Variants in HLCS observed in about 807,000 individuals in gnomAD.
HLCS encodes holocarboxylase synthetase, also known as biotin--protein ligase.
Under a neutral mutation model 75.0 loss-of-function variants are expected in HLCS, and 53 were observed. That is an observed-to-expected ratio of 0.71 (90% CI 0.57 to 0.89). The LOEUF (loss-of-function observed/expected upper bound fraction) is 0.89. HLCS is among the 40% of genes least tolerant of loss of function. The probability of loss-of-function intolerance (pLI) is 0.00; values close to 1 mark genes in which losing one functional copy is unlikely to be tolerated. For missense variants in HLCS, 966 were observed against 1,074.0 expected (o/e 0.90, Z 1.41); for synonymous variants, 431 against 428.6 (o/e 1.01, Z -0.07).
At chr21:36,934,098 G>C (rs965492653) in intron 4 of HLCS, among the ~76,000 whole-genome samples, 2 of 152,158 alleles carry the variant, frequency 1.3e-5, no homozygotes, top group African/African-American at 4.8e-5. Flanking sequence ...TGTGTGGGTG[G>C]TAGATTTGTA....
chr21:36,964,596 T>G (rs1327093581), intron 1 of HLCS, among the ~76,000 whole-genome samples: 1 of 152,206 alleles, frequency 6.6e-6, no homozygotes, highest in Non-Finnish European at 1.5e-5. Flanking sequence ...CAGCAATATC[T>G]AACCAAATCT....
intron 6 of HLCS, among the ~76,000 whole-genome samples, chr21:36,781,329 G>A (rs538082708): frequency 4.0e-5 from 6 of 151,874 alleles, no homozygotes; most frequent in African/African-American, 7.2e-5. Context: ...ATTAACTTGG[G>A]GAGAACTGAC....
chr21:36,939,557 T>G (rs928791079), intron 2 of HLCS, among the ~76,000 whole-genome samples: 1 of 152,206 alleles, frequency 6.6e-6, no homozygotes, highest in Middle Eastern at 3.2e-3. Flanking sequence ...GCACTCGAAC[T>G]GTGAGAACAA....
chr21:36,769,322 CTGAGA>C (rs2090149882), intron 6 of HLCS, among the ~76,000 whole-genome samples: 1 of 152,202 alleles, frequency 6.6e-6, no homozygotes, highest in Non-Finnish European at 1.5e-5. Flanking sequence ...TTTGTGCTAT[CTGAGA>C]TAACTCTGGG....
chr21:36,955,159 C>T (rs752793587), intron 2 of HLCS, among the ~76,000 whole-genome samples: 3 of 152,164 alleles, frequency 2.0e-5, no homozygotes, highest in Non-Finnish European at 4.4e-5. Context: ...GTTCACTGCT[C>T]CATGCACGTT....
chr21:36,914,322 C>T (rs2065840000), intron 5 of HLCS, among the ~76,000 whole-genome samples: 1 of 152,184 alleles, frequency 6.6e-6, no homozygotes. Flanking sequence ...CAAATCGATT[C>T]AGCAACTCCA....
intron 6 of HLCS, among the ~76,000 whole-genome samples, chr21:36,811,595 T>G (rs905828947): frequency 3.9e-5 from 6 of 152,226 alleles, no homozygotes; most frequent in Non-Finnish European, 8.8e-5. Flanking sequence ...ACAGTGGAAC[T>G]TGGCAGATGG....
At position 36,953,447 on chromosome 21, in the gene HLCS, T is replaced by C. The variant is rs531509313; in HGVS notation, c.330+8589A>G. Among the ~76,000 whole-genome samples the C allele has an allele frequency of 8.5e-5, 13 of 152,220 alleles. No individual in the cohort carries two copies. The South Asian group carries it at 2.7e-3, about 32-fold the overall frequency. ...CCAAGGAAGAAGATGAGGAAAAAAA[T>C]GGGTCCCTGGATGGACTTCCAAAGC... On this transcript the variant is annotated intron_variant, in intron 2 of 10. Transcript: ENST00000674895.
At chr21:36,905,917 G>A (rs2065429599) in intron 5 of HLCS, among the ~76,000 whole-genome samples, 1 of 151,868 alleles carries the variant, frequency 6.6e-6, no homozygotes, top group Admixed American at 6.6e-5. Flanking sequence ...GGGTGTGGTG[G>A]CACACACCTA....
intron 6 of HLCS, among the ~76,000 whole-genome samples, chr21:36,839,380 C>A (rs1281217773): frequency 1.2e-5 from 1 of 81,276 alleles, no homozygotes; most frequent in Non-Finnish European, 3.1e-5. Context: ...GGGAAGAGGC[C>A]TGACTCTGAA....
intron 6 of HLCS, among the ~76,000 whole-genome samples, chr21:36,881,826 G>A (rs143736561): frequency 1.5e-3 from 233 of 152,236 alleles, no homozygotes; most frequent in African/African-American, 5.4e-3. Context: ...TGGACAGGGG[G>A]GCTCTGCACC....
intron 2 of HLCS, among the ~76,000 whole-genome samples, chr21:36,959,148 C>T (rs1329586596): frequency 6.6e-6 from 1 of 152,224 alleles, no homozygotes; most frequent in Non-Finnish European, 1.5e-5. Flanking sequence ...CAGAGGCCCC[C>T]GCTTCCCCAC....
chr21:36,810,811 C>G (rs927729785), intron 6 of HLCS, among the ~76,000 whole-genome samples: 1 of 152,106 alleles, frequency 6.6e-6, no homozygotes, highest in African/African-American at 2.4e-5. Context: ...GAGCTGGGTA[C>G]AAGGTTACGC....
At position 36,764,979 on chromosome 21, in the gene HLCS, C is replaced by T. The variant is rs773953892; in HGVS notation, c.2121+33G>A. 5.6e-6 allele frequency: 9 copies of T among 1,611,184 alleles called. No individual in the cohort carries two copies. In the African/African-American group the frequency reaches 1.2e-4, roughly 22 times the overall value. On this transcript the variant is annotated intron_variant, in intron 8 of 10. Transcript: ENST00000674895. ...AATAAGCCAGATTCTGCATGCATCCCAGGGACATAGAAGGAGACTGAACTG... is the reference window on the plus strand; with the variant it reads ...AATAAGCCAGATTCTGCATGCATCCTAGGGACATAGAAGGAGACTGAACTG...
chr21:36,971,211 G>A (rs2845823), upstream of HLCS, among the ~76,000 whole-genome samples: 361 of 152,278 alleles, frequency 2.4e-3, no homozygotes, highest in Non-Finnish European at 3.8e-3. Flanking sequence ...TTGAACTCAT[G>A]TCTTTAAGAG....
intron 6 of HLCS, among the ~76,000 whole-genome samples, chr21:36,784,311 CT>C (rs34045793): frequency 0.14 from 18,685 of 130,584 alleles, 1,574 homozygotes; most frequent in African/African-American, 0.24. Flanking sequence ...AATACCACCT[CT>C]TTTTTTTTTT....
intron 9 of HLCS, among the ~76,000 whole-genome samples, chr21:36,758,949 A>G (rs1183626068): frequency 6.6e-6 from 1 of 151,924 alleles, no homozygotes; most frequent in Non-Finnish European, 1.5e-5. Flanking sequence ...GCACCACTGC[A>G]TTCCAGCCCG....
intron 6 of HLCS, among the ~76,000 whole-genome samples, chr21:36,867,593 T>C (rs2063602145): frequency 6.6e-6 from 1 of 152,172 alleles, no homozygotes; most frequent in African/African-American, 2.4e-5. Context: ...CACTCCTTTG[T>C]CTTATCTGCT....
At chr21:36,767,474 G>A (rs554298852) in intron 6 of HLCS, among the ~76,000 whole-genome samples, 189 bp from the exon 7 acceptor site, 1 of 152,242 alleles carries the variant, frequency 6.6e-6, no homozygotes, top group Admixed American at 6.5e-5. Context: ...AACCTGGGTC[G>A]TGAGAATGAA....
Sources: gnomAD v4.1 joint callset for allele counts (sites outside exome capture counted in the v4.1 genomes callset) on GRCh38, gnomAD v4.1.1 for gene constraint, MANE v1.5 for transcripts, NCBI Gene and HGNC (gene_info 2026-07-23, HGNC 2026-07-21) for gene names.